MED14: variants seen among roughly 807,000 people sequenced by gnomAD.
The protein encoded by MED14 is mediator complex subunit 14.
Under a neutral mutation model 109.0 loss-of-function variants are expected in MED14, and 8 were observed. The ratio of observed to expected loss-of-function variants is 0.07; its 90% confidence interval spans 0.04 to 0.13. The LOEUF (loss-of-function observed/expected upper bound fraction) is 0.13. Ranked by LOEUF, MED14 falls within the 10% of genes least tolerant of loss-of-function variation. The pLI, the probability that MED14 is intolerant of heterozygous loss-of-function variation, is 1.00. For missense variants in MED14, 711 were observed against 1,142.4 expected (o/e 0.62, Z 5.44); for synonymous variants, 399 against 408.7 (o/e 0.98, Z 0.29).
intron 1 of MED14, among the ~76,000 whole-genome samples, chrX:40,734,173 G>C (rs947288619): frequency 1.8e-5 from 2 of 111,725 alleles, no homozygotes; most frequent in Admixed American, 9.4e-5. Flanking sequence ...GGTGCAGAGA[G>C]GTATATCATT....
chrX:40,682,475 CTTAAGTT>C (rs1930153117), intron 18 of MED14, 121 bp downstream of exon 18: 1 of 532,064 alleles, frequency 1.9e-6, no homozygotes, highest in African/African-American at 2.4e-5. Context: ...GAAAGGAATA[CTTAAGTT>C]TTATTAGATA....
chrX:40,690,493 C>T (rs1351875063), intron 15 of MED14, among the ~76,000 whole-genome samples: 1 of 111,347 alleles, frequency 9.0e-6, no homozygotes, highest in Non-Finnish European at 1.9e-5. Flanking sequence ...TGGCTCACTG[C>T]AACCTCCGCC....
chrX:40,659,202 A>C, intron 28 of MED14, 25 bp downstream of exon 28: 5 of 1,065,693 alleles, frequency 4.7e-6, no homozygotes, highest in South Asian at 2.2e-5. Context: ...AAACCTTGCT[A>C]GAAATGTATA....
rs1057149632 is a variant in MED14 at position 40,649,632 on chromosome X, T to C, written c.*2174A>G. 5 of 942,314 alleles carry C rather than the reference T, an allele frequency of 5.3e-6. No homozygotes were observed. The highest frequency in any genetic ancestry group is 6.7e-6 in the Non-Finnish European group (5 of 740,993). 77.7% of individuals were successfully genotyped at this position (942,314 alleles called of 1,213,427 possible). On this transcript the variant is annotated 3_prime_UTR_variant, in exon 31 of 31. Coordinates refer to ENST00000324817, the MANE Select transcript of MED14 (RefSeq NM_004229.4). Reference sequence around the variant, plus strand: ...TTAAAGTTAAGTCCCAACCCGATTATTAGAGAAAATCACTTGGGCATCCAG... The same window carrying C: ...TTAAAGTTAAGTCCCAACCCGATTACTAGAGAAAATCACTTGGGCATCCAG...
At chrX:40,707,934 A>G (rs1410431005) in intron 10 of MED14, among the ~76,000 whole-genome samples, 1 of 112,076 alleles carries the variant, frequency 8.9e-6, no homozygotes, top group Non-Finnish European at 1.9e-5. Context: ...TAAGAAAAAA[A>G]GACGAAAAGG....
At chrX:40,671,829 T>C in intron 23 of MED14, 32 bp downstream of exon 23, 1 of 1,022,801 alleles carries the variant, frequency 9.8e-7, no homozygotes, top group African/African-American at 1.9e-5. Flanking sequence ...ATTTGAAAGT[T>C]GAACATGACA....
intron 2 of MED14, among the ~76,000 whole-genome samples, chrX:40,727,749 AC>A (rs1258995392): frequency 9.0e-6 from 1 of 111,601 alleles, no homozygotes; most frequent in East Asian, 2.8e-4. Flanking sequence ...GTAGACTCTG[AC>A]CTATTAATCT....
intron 15 of MED14, among the ~76,000 whole-genome samples, chrX:40,689,235 AT>A (rs1002334371): frequency 8.9e-6 from 1 of 111,933 alleles, no homozygotes; most frequent in African/African-American, 3.3e-5. Context: ...TCTGGAAAGG[AT>A]TTAAGGAAGT....
At chrX:40,666,432 A>T (rs1230102870) in intron 24 of MED14, among the ~76,000 whole-genome samples, 1 of 110,013 alleles carries the variant, frequency 9.1e-6, no homozygotes, top group African/African-American at 3.3e-5. Context: ...GTAGACAGCA[A>T]GTGAGAATAA....
intron 3 of MED14, among the ~76,000 whole-genome samples, chrX:40,724,298 G>A (rs754847926): frequency 8.9e-6 from 1 of 112,499 alleles, no homozygotes; most frequent in East Asian, 2.8e-4. Flanking sequence ...ACTCAACAGA[G>A]AAACATGGAA....
intron 8 of MED14, among the ~76,000 whole-genome samples, chrX:40,710,641 T>C (rs145644322): frequency 0.018 from 1,963 of 111,658 alleles, 16 homozygotes; most frequent in Middle Eastern, 0.056. Context: ...AATGGTCTTT[T>C]CTAACCTAAC....
At chrX:40,673,949 T>C (rs1929823650) in intron 22 of MED14, among the ~76,000 whole-genome samples, 1 of 111,174 alleles carries the variant, frequency 9.0e-6, no homozygotes. Context: ...CCCTATAACA[T>C]TGGCCCTGCT....
chrX:40,685,976 G>A (rs933188005), intron 16 of MED14, among the ~76,000 whole-genome samples: 5 of 111,516 alleles, frequency 4.5e-5, no homozygotes. Context: ...ATAAATGCAT[G>A]AGTCCAATTC....
chrX:40,682,232 C>T (rs1031462667), intron 18 of MED14, among the ~76,000 whole-genome samples: 9 of 111,643 alleles, frequency 8.1e-5, no homozygotes, highest in Non-Finnish European at 1.7e-4. Context: ...AGTTCTTAGT[C>T]TCTGCAACTT....
chrX:40,714,913 TTC>T, intron 3 of MED14: 4 of 352,425 alleles, frequency 1.1e-5, no homozygotes, highest in Non-Finnish European at 1.9e-5. Context: ...AGCAATAATT[TTC>T]TGTCACTTTA....
intron 1 of MED14, among the ~76,000 whole-genome samples, chrX:40,731,837 T>C (rs1185778906): frequency 8.9e-6 from 1 of 112,566 alleles, no homozygotes; most frequent in Non-Finnish European, 1.9e-5. Context: ...TATCAAACCA[T>C]ATATTGATTT....
In MED14 at chrX:40,703,310, G is replaced by A. The variant is rs959521108; in HGVS notation, c.1411+134C>T. The stretch of plus-strand genomic sequence containing the variant: ...CCCCGAGGAACTGACATCAGTCAGA[G>A]TTATGGTTTCCATACCCACTTTCAA... On this transcript the variant is annotated intron_variant, in intron 11 of 30. Transcript: ENST00000324817. 4 of 500,542 alleles carry A rather than the reference G, an allele frequency of 8.0e-6. No individual in the cohort carries two copies. The African/African-American group carries it at 9.9e-5, about 12-fold the overall frequency. 41.3% of individuals were successfully genotyped at this position (500,542 alleles called of 1,213,427 possible). A position where few individuals can be genotyped will look rare whatever the true frequency, so the allele number is the denominator to read the frequency against.
At chrX:40,687,062 T>C in intron 16 of MED14, among the ~76,000 whole-genome samples, 1 of 111,781 alleles carries the variant, frequency 8.9e-6, no homozygotes, top group Middle Eastern at 4.6e-3. Context: ...GATGACTTTA[T>C]CTACTTCTCC....
At chrX:40,664,619 G>A in intron 24 of MED14, 130 bp from the exon 25 acceptor site, 1 of 397,704 alleles carries the variant, frequency 2.5e-6, no homozygotes, top group Non-Finnish European at 4.0e-6. Flanking sequence ...ACTGAAGCTT[G>A]ATGTGTGTTA....
Sources: allele counts gnomAD v4.1 joint callset (sites outside exome capture counted in the v4.1 genomes callset), GRCh38; gene constraint gnomAD v4.1.1; transcripts MANE v1.5; gene names NCBI Gene and HGNC (gene_info 2026-07-23, HGNC 2026-07-21).